Variants in PCBP4 observed in about 807,000 individuals in gnomAD.
PCBP4 encodes poly(rC)-binding protein 4.
A neutral mutation model predicts 46.2 loss-of-function variants in PCBP4; 24 were observed. The ratio of observed to expected loss-of-function variants is 0.52; its 90% CI spans 0.38 to 0.73. The LOEUF (loss-of-function observed/expected upper bound fraction) is 0.73, where lower values mean the gene tolerates loss of function less well. Among genes scored for constraint, PCBP4 ranks in the 30% least tolerant of loss-of-function variants. PCBP4 has a pLI of 0.00. For synonymous variants in PCBP4, 203 were observed against 224.4 expected (o/e 0.90, Z 0.85); for missense variants, 407 against 537.0 (o/e 0.76, Z 2.39).
intron 1 of PCBP4, among the ~76,000 whole-genome samples, chr3:51,966,966 A>AGT (rs1700463723): frequency 6.6e-6 from 1 of 152,066 alleles, no homozygotes; most frequent in African/African-American, 2.4e-5. Context: ...GATGGGAAGG[A>AGT]GTGTGTGCCC....
At chr3:51,961,470 C>T (rs569240540) in intron 2 of PCBP4, 166 bp from the exon 3 acceptor site, 25 of 829,936 alleles carry the variant, frequency 3.0e-5, no homozygotes, top group Middle Eastern at 3.8e-4. Context: ...GTGTGTCTCA[C>T]GAGCTGTGTA....
rs377052067 is a variant in PCBP4 at position 51,965,975 on chromosome 3, G to A, written c.-213+1351C>T. 3.9e-3 allele frequency among the ~76,000 whole-genome samples: 601 copies of A among 152,286 alleles called. 3 individuals are homozygous for A. Among genetic ancestry groups the A allele is most frequent in the African/African-American group, 0.014 (563 of 41,566 alleles). ...GAGTTGGGCTCAGCCTGTCACAGCT[G>A]GAAAGGTCTTACCAATCACAAGAGG... On this transcript the variant is annotated intron_variant, in intron 1 of 13. Transcript: ENST00000461554.
chr3:51,961,281 G>A lies in PCBP4; in HGVS notation c.-41C>T. 6.3e-7 allele frequency: 1 copy of A among 1,596,578 alleles called. No homozygotes were observed. The highest frequency in any genetic ancestry group is 8.5e-7 in the Non-Finnish European group (1 of 1,174,178). On this transcript the variant is annotated 5_prime_UTR_variant, in exon 3 of 14. Transcript: ENST00000461554. ...TGGGGCCACAGCGACCTGCGAGTGT[G>A]TCCGCGCTGCAACCTGGCCGGCTCT...
At chr3:51,961,377 C>T in intron 2 of PCBP4, 73 bp from the exon 3 acceptor site, 2 of 1,432,974 alleles carry the variant, frequency 1.4e-6, no homozygotes. Context: ...ATGGGGACCC[C>T]AGAGCTGGGC....
chr3:51,966,265 C>T (rs774746351), intron 1 of PCBP4, among the ~76,000 whole-genome samples: 1 of 152,058 alleles, frequency 6.6e-6, no homozygotes, highest in Non-Finnish European at 1.5e-5. Flanking sequence ...CTGCTCCCAG[C>T]CCCCCACCCT....
Position 51,960,323 on chromosome 3 carries a change from G to A in PCBP4, c.256-3C>T. 2 of 1,612,598 alleles carry A rather than the reference G, an allele frequency of 1.2e-6. No homozygotes were observed. The highest frequency in any genetic ancestry group is 1.7e-6 in the Non-Finnish European group (2 of 1,179,038). On this transcript the variant is annotated splice_region_variant and splice_polypyrimidine_tract_variant and intron_variant, in intron 6 of 13. Transcript: ENST00000461554. This position sits in a 1 kb window ranked among gnomAD's most constrained non-coding sequence, Gnocchi z 5.0. ...TTTGCAGGAGCAGCACAAAGGTCCT[G>A]GGACAGGGAGACGGTGGGTTGGCCA...
In PCBP4 at chr3:51,958,126, T is replaced by C. The variant is rs559160998; in HGVS notation, c.1147A>G (p.Thr383Ala). Residue 383 changes from threonine to alanine, a missense_variant, in exon 14 of 14, where the codon ACT becomes GCT. Coordinates refer to ENST00000461554, the MANE Select transcript of PCBP4 (RefSeq NM_001174100.2). The surrounding 1 kb of genome is among the most constrained non-coding windows in gnomAD (Gnocchi z 5.4). ...CCATTAGCTGCTGCCATCTTGGCAGTGTAGGCCGCCAAGCCCGGCGGCGGC... is the reference window on the plus strand; with the variant it reads ...CCATTAGCTGCTGCCATCTTGGCAGCGTAGGCCGCCAAGCCCGGCGGCGGC... ...PGPPPGLAAY[T>A]AKMAAANGSK... 2.0e-5 allele frequency: 32 copies of C among 1,607,942 alleles called. No individual in the cohort carries two copies. The South Asian group carries it at 2.8e-4, about 14-fold the overall frequency.
In PCBP4 at chr3:51,960,337, G is replaced by A; in HGVS notation, c.256-17C>T. ...ACAAAGGTCCTGGGACAGGGAGACG[G>A]TGGGTTGGCCATGCTCGTCCCTGCT... On this transcript the variant is annotated splice_polypyrimidine_tract_variant and intron_variant, in intron 6 of 13. Coordinates refer to ENST00000461554, the MANE Select transcript of PCBP4 (RefSeq NM_001174100.2). This position sits in a 1 kb window ranked among gnomAD's most constrained non-coding sequence, Gnocchi z 5.0. 1.2e-6 allele frequency: 2 copies of A among 1,610,988 alleles called. No individual in the cohort carries two copies. The highest frequency in any genetic ancestry group is 1.1e-5 in the South Asian group (1 of 90,848).
At chr3:51,963,394 G>A (rs1700271874) in intron 1 of PCBP4, 2 of 152,156 alleles carry the variant, frequency 1.3e-5, no homozygotes, top group African/African-American at 4.8e-5. Flanking sequence ...GTGGGGATTG[G>A]GCTTCAGTCG....
intron 1 of PCBP4, among the ~76,000 whole-genome samples, chr3:51,966,273 C>T (rs181959598): frequency 1.3e-5 from 2 of 152,254 alleles, no homozygotes; most frequent in East Asian, 3.9e-4. Context: ...AGCCCCCCAC[C>T]CTGAGCATGC....
chr3:51,961,481 AGCCT>A, intron 2 of PCBP4, 177 bp from the exon 3 acceptor site: 1 of 730,608 alleles, frequency 1.4e-6, no homozygotes. Flanking sequence ...GAGCTGTGTA[AGCCT>A]GGGGAGCCCA....
chr3:51,961,782 A>G, intron 2 of PCBP4, 159 bp downstream of exon 2: 1 of 988,494 alleles, frequency 1.0e-6, no homozygotes, highest in Non-Finnish European at 1.2e-6. Flanking sequence ...CAGCAGCCAG[A>G]TGGTGGATGG....
Position 51,959,513 on chromosome 3 carries a change from C to A in PCBP4, c.591+64G>T. The A allele has an allele frequency of 1.3e-6, 2 of 1,526,230 alleles. No individual in the cohort carries two copies. The highest frequency in any genetic ancestry group is 1.4e-5 in the African/African-American group (1 of 72,690). 94.5% of individuals were successfully genotyped at this position (1,526,230 alleles called of 1,614,324 possible). A position where few individuals can be genotyped will look rare whatever the true frequency, so the allele number is the denominator to read the frequency against. ...TGGACCTCCAATTCCTTCTTCCATCCCCTCCTCTATCTCAATCCCCCTTCT... is the reference window on the plus strand; with the variant it reads ...TGGACCTCCAATTCCTTCTTCCATCACCTCCTCTATCTCAATCCCCCTTCT... On this transcript the variant is annotated intron_variant, in intron 9 of 13. Transcript: ENST00000461554. The surrounding 1 kb of genome is among the most constrained non-coding windows in gnomAD (Gnocchi z 5.6).
Position 51,957,998 on chromosome 3 carries a change from T to C in PCBP4, c.*63A>G, listed in dbSNP as rs1313825358. On this transcript the variant is annotated 3_prime_UTR_variant, in exon 14 of 14. Coordinates refer to ENST00000461554, the MANE Select transcript of PCBP4 (RefSeq NM_001174100.2). ...CCAGGGTGGAGTCTCCTTGGGCGGG[T>C]AGGGTGCAGAGGCAGCCCCCTGCTG... The C allele has an allele frequency of 4.4e-5, 64 of 1,442,016 alleles. No homozygotes were observed. The highest frequency in any genetic ancestry group is 5.7e-5 in the Non-Finnish European group (61 of 1,077,294). The allele number at this position is 1,442,016 out of a possible 1,614,324, so 89.3% of individuals were successfully genotyped here.
rs1577682397 is a variant in PCBP4 at position 51,960,732 on chromosome 3, G to A, written c.139-90C>T. ...TGCCTGCCCCACTCACCAGGCCTGA[G>A]GCAAGGCTCAAAACTGCCACCCTCT... On this transcript the variant is annotated intron_variant, in intron 5 of 13. Coordinates refer to ENST00000461554, the MANE Select transcript of PCBP4 (RefSeq NM_001174100.2). This position sits in a 1 kb window ranked among gnomAD's most constrained non-coding sequence, Gnocchi z 5.0. 8.2e-6 allele frequency: 12 copies of A among 1,465,368 alleles called. No homozygotes were observed. The Middle Eastern group carries it at 1.9e-3, about 235-fold the overall frequency. The allele number at this position is 1,465,368 out of a possible 1,614,324, so 90.8% of individuals were successfully genotyped here.
At chr3:51,964,758 GA>G (rs1490172885) in intron 1 of PCBP4, among the ~76,000 whole-genome samples, 1 of 152,196 alleles carries the variant, frequency 6.6e-6, no homozygotes, top group Non-Finnish European at 1.5e-5. Flanking sequence ...GCCTTCATAA[GA>G]ACTGCCCCAG....
chr3:51,963,778 C>T (rs570501322), intron 1 of PCBP4, among the ~76,000 whole-genome samples: 8 of 152,308 alleles, frequency 5.3e-5, no homozygotes, highest in Admixed American at 2.0e-4. Flanking sequence ...GGTCTATCTG[C>T]GCCCTTCCTG....
In PCBP4 at chr3:51,961,260, G is replaced by T; in HGVS notation, c.-20C>A. The T allele has an allele frequency of 3.1e-6, 5 of 1,608,166 alleles. No homozygotes were observed. Among genetic ancestry groups the T allele is most frequent in the Non-Finnish European group, 4.2e-6 (5 of 1,179,200 alleles). Reference sequence around the variant, plus strand: ...GCTCATTCTGTCAGGCGAGGCTGGGGCCACAGCGACCTGCGAGTGTGTCCG... The same window carrying T: ...GCTCATTCTGTCAGGCGAGGCTGGGTCCACAGCGACCTGCGAGTGTGTCCG... On this transcript the variant is annotated 5_prime_UTR_variant, in exon 3 of 14. Transcript: ENST00000461554.
At chr3:51,965,720 C>G (rs1412694058) in intron 1 of PCBP4, among the ~76,000 whole-genome samples, 1 of 152,150 alleles carries the variant, frequency 6.6e-6, no homozygotes, top group African/African-American at 2.4e-5. Context: ...TGAGGGCCAG[C>G]CACATGGGCA....
Sources: gnomAD v4.1 joint callset for allele counts (sites outside exome capture counted in the v4.1 genomes callset) on GRCh38, gnomAD v4.1.1 for gene constraint, Gnocchi (gnomAD v3.1) non-coding constraint, MANE v1.5 for transcripts, NCBI Gene and HGNC (gene_info 2026-07-23, HGNC 2026-07-21) for gene names.